Variants in CHCHD6 observed in about 807,000 individuals in gnomAD.
CHCHD6 encodes coiled-coil-helix-coiled-coil-helix domain containing 6.
A neutral mutation model predicts 32.3 loss-of-function variants in CHCHD6; 28 were observed. That is an observed-to-expected ratio of 0.87 (90% CI 0.64 to 1.19). The LOEUF is 1.19. Ranked by LOEUF, CHCHD6 falls within the 50% of genes most tolerant of loss-of-function variation. The pLI is 0.00. For missense variants in CHCHD6, 333 were observed against 307.0 expected, an observed-to-expected ratio of 1.08 and a Z score of -0.63; for synonymous variants, 122 against 117.5, an observed-to-expected ratio of 1.04 and a Z score of -0.25.
At chr3:126,906,354 G>A (rs2107585721) in intron 5 of CHCHD6, among the ~76,000 whole-genome samples, 1 of 152,374 alleles carries the variant, frequency 6.6e-6, no homozygotes, top group South Asian at 2.1e-4. Context: ...ACGGCAGCCA[G>A]CAGTCCTTCC....
chr3:126,936,223 C>T (rs2078478629), intron 6 of CHCHD6, among the ~76,000 whole-genome samples: 1 of 152,216 alleles, frequency 6.6e-6, no homozygotes, highest in South Asian at 2.1e-4. Flanking sequence ...AGTGGCTCAA[C>T]TGTGCTGACT....
At chr3:126,731,121 A>AAAAAAT (rs1935781656) in intron 3 of CHCHD6, among the ~76,000 whole-genome samples, 1 of 150,490 alleles carries the variant, frequency 6.6e-6, no homozygotes, top group Non-Finnish European at 1.5e-5. Flanking sequence ...AAAAAAAAAA[A>AAAAAAT]AAAAATCATT....
At chr3:126,852,528 T>G in intron 4 of CHCHD6, 119 bp from the exon 5 acceptor site, 1 of 692,788 alleles carries the variant, frequency 1.4e-6, no homozygotes, top group South Asian at 1.6e-5. Context: ...GGTTTTCAAC[T>G]CATTATTGCT....
intron 4 of CHCHD6, among the ~76,000 whole-genome samples, chr3:126,777,352 G>C (rs866130963): frequency 1.1e-4 from 16 of 152,174 alleles, no homozygotes; most frequent in Middle Eastern, 6.8e-3. Flanking sequence ...TTCTACATTA[G>C]GCAAATCACT....
chr3:126,932,595 T>C (rs1028541506), intron 6 of CHCHD6, among the ~76,000 whole-genome samples: 1 of 152,160 alleles, frequency 6.6e-6, no homozygotes, highest in Non-Finnish European at 1.5e-5. Flanking sequence ...AGAGAGCCTG[T>C]GGTGGGCGAC....
intron 4 of CHCHD6, among the ~76,000 whole-genome samples, chr3:126,829,743 A>G (rs939902529): frequency 2.6e-5 from 4 of 152,194 alleles, no homozygotes; most frequent in Non-Finnish European, 5.9e-5. Flanking sequence ...AGCCCTTACC[A>G]GACATCAAAT....
intron 1 of CHCHD6, among the ~76,000 whole-genome samples, chr3:126,713,414 C>A (rs977142524): frequency 2.0e-5 from 3 of 152,192 alleles, no homozygotes; most frequent in African/African-American, 7.2e-5. Context: ...GTTTCCGGGC[C>A]TGGCTCACAA....
intron 4 of CHCHD6, among the ~76,000 whole-genome samples, chr3:126,804,766 A>G (rs1939274594): frequency 1.3e-5 from 2 of 152,366 alleles, no homozygotes; most frequent in East Asian, 1.9e-4. Context: ...ATTTTAGACC[A>G]ATATCCTTGA....
chr3:126,806,676 G>T (rs1939398646), intron 4 of CHCHD6, among the ~76,000 whole-genome samples: 1 of 152,106 alleles, frequency 6.6e-6, no homozygotes, highest in Non-Finnish European at 1.5e-5. Context: ...AATACTATTT[G>T]ACCCAGCCAT....
At chr3:126,747,719 G>A (rs543987048) in intron 4 of CHCHD6, among the ~76,000 whole-genome samples, 1 of 152,246 alleles carries the variant, frequency 6.6e-6, no homozygotes, top group South Asian at 2.1e-4. Flanking sequence ...CCTGCCCACA[G>A]GGTCTGTACT....
intron 4 of CHCHD6, among the ~76,000 whole-genome samples, chr3:126,830,572 G>A (rs1307021320): frequency 6.6e-6 from 1 of 152,198 alleles, no homozygotes; most frequent in Non-Finnish European, 1.5e-5. Context: ...TTTCTTTGGG[G>A]TAGAAACCTT....
intron 5 of CHCHD6, among the ~76,000 whole-genome samples, chr3:126,853,560 C>T (rs1279534569): frequency 1.3e-5 from 2 of 152,136 alleles, no homozygotes; most frequent in Non-Finnish European, 2.9e-5. Flanking sequence ...CTGTGGCATG[C>T]CACAGTGGAG....
intron 5 of CHCHD6, among the ~76,000 whole-genome samples, chr3:126,910,311 C>T (rs1231934382): frequency 9.0e-6 from 1 of 110,588 alleles, no homozygotes; most frequent in Admixed American, 9.4e-5. Flanking sequence ...CTTCCCTGCC[C>T]CTCCTTCACT....
intron 4 of CHCHD6, among the ~76,000 whole-genome samples, chr3:126,791,416 C>A (rs950871200): frequency 1.2e-4 from 19 of 152,240 alleles, no homozygotes; most frequent in African/African-American, 4.1e-4. Flanking sequence ...GCCCTGCCCC[C>A]AGAGGTGGAG....
intron 4 of CHCHD6, chr3:126,780,279 C>T (rs1377055936): frequency 7.4e-6 from 3 of 402,872 alleles, no homozygotes; most frequent in Non-Finnish European, 1.5e-5. Flanking sequence ...GGGTTTCTCC[C>T]ACCTTTTGTT....
chr3:126,834,197 C>T (rs1940764447), intron 4 of CHCHD6, among the ~76,000 whole-genome samples: 1 of 151,758 alleles, frequency 6.6e-6, no homozygotes, highest in African/African-American at 2.4e-5. Flanking sequence ...AGTTTCATGC[C>T]AGGTGTGGGG....
At chr3:126,836,337 A>G (rs1055158972) in intron 4 of CHCHD6, among the ~76,000 whole-genome samples, 1 of 152,176 alleles carries the variant, frequency 6.6e-6, no homozygotes, top group Admixed American at 6.5e-5. Flanking sequence ...AACTTCCCTA[A>G]GATCTTCGTG....
intron 4 of CHCHD6, among the ~76,000 whole-genome samples, chr3:126,787,829 C>G (rs951366841): frequency 3.3e-5 from 5 of 152,136 alleles, no homozygotes; most frequent in African/African-American, 4.8e-5. Context: ...CTTTCTCTTG[C>G]CTAATTGCCC....
At chr3:126,789,736 T>G (rs930221401) in intron 4 of CHCHD6, among the ~76,000 whole-genome samples, 1 of 152,164 alleles carries the variant, frequency 6.6e-6, no homozygotes, top group Non-Finnish European at 1.5e-5. Context: ...GTGAGATGGG[T>G]TTCCTGAATA....
Sources: gnomAD v4.1 joint callset for allele counts (sites outside exome capture counted in the v4.1 genomes callset) on GRCh38, gnomAD v4.1.1 for gene constraint, MANE v1.5 for transcripts, NCBI Gene and HGNC (gene_info 2026-07-23, HGNC 2026-07-21) for gene names.